The following CCDC146 variants were observed in gnomAD, a reference collection of about 807,000 sequenced individuals.
The protein encoded by CCDC146 is coiled-coil domain-containing protein 146.
CCDC146 carries 92 observed loss-of-function variants against 119.3 expected under a neutral mutation model. The ratio of observed to expected loss-of-function variants is 0.77; its 90% confidence interval spans 0.65 to 0.92. The LOEUF is 0.92. Among genes scored for constraint, CCDC146 ranks in the 40% least tolerant of loss-of-function variants. The probability of loss-of-function intolerance (pLI) is 0.00; values close to 1 mark genes in which losing one functional copy is unlikely to be tolerated. For synonymous variants in CCDC146, 372 were observed against 371.8 expected (o/e 1.00, Z -0.01); for missense variants, 1,000 against 1,103.0 (o/e 0.91, Z 1.32).
At chr7:77,157,770 C>T (rs1338024531) in intron 1 of CCDC146, among the ~76,000 whole-genome samples, 1 of 152,156 alleles carries the variant, frequency 6.6e-6, no homozygotes, top group East Asian at 1.9e-4. Flanking sequence ...CAGTGTGTGG[C>T]CACCCTGTTT....
At chr7:77,198,147 G>C in intron 2 of CCDC146, 1 of 985,428 alleles carries the variant, frequency 1.0e-6, no homozygotes, top group Non-Finnish European at 1.2e-6. Context: ...TGGATTCGCA[G>C]TGTGCCAGGT....
chr7:77,181,788 AT>A (rs372728975), intron 2 of CCDC146, among the ~76,000 whole-genome samples: 4 of 152,234 alleles, frequency 2.6e-5, no homozygotes, highest in Middle Eastern at 3.4e-3. Context: ...GTGGAAATTA[AT>A]TTTTTTATAT....
intron 2 of CCDC146, among the ~76,000 whole-genome samples, chr7:77,233,666 G>A (rs1165409080): frequency 1.3e-5 from 2 of 152,068 alleles, no homozygotes; most frequent in African/African-American, 2.4e-5. Context: ...CCTCACATGC[G>A]CATTTCACAA....
At chr7:77,271,949 G>T (rs972943232) in intron 9 of CCDC146, among the ~76,000 whole-genome samples, 6 of 152,088 alleles carry the variant, frequency 3.9e-5, no homozygotes, top group Non-Finnish European at 8.8e-5. Flanking sequence ...CCTGGGCCCT[G>T]TTATTCACGT....
chr7:77,221,684 T>A (rs1792406214), intron 2 of CCDC146, among the ~76,000 whole-genome samples: 1 of 152,164 alleles, frequency 6.6e-6, no homozygotes, highest in Non-Finnish European at 1.5e-5. Context: ...TCAGCGCACT[T>A]CCCATCTGAT....
At chr7:77,199,887 G>C (rs1010149271) in intron 2 of CCDC146, 8 of 1,427,776 alleles carry the variant, frequency 5.6e-6, no homozygotes, top group Non-Finnish European at 7.5e-6. Flanking sequence ...GTGTTCCCAG[G>C]AAAGGGTGGG....
chr7:77,182,724 G>C (rs1791608343), intron 2 of CCDC146, among the ~76,000 whole-genome samples: 1 of 152,188 alleles, frequency 6.6e-6, no homozygotes, highest in Non-Finnish European at 1.5e-5. Flanking sequence ...GAGCCTGGGA[G>C]ACAGAGGTTG....
chr7:77,157,435 T>G (rs1791194861), intron 1 of CCDC146, among the ~76,000 whole-genome samples: 1 of 150,782 alleles, frequency 6.6e-6, no homozygotes. Flanking sequence ...TTTTTACACA[T>G]GCTCCTTGTA....
At chr7:77,132,568 A>AGAAAG (rs111521687) in intron 1 of CCDC146, among the ~76,000 whole-genome samples, 2 of 142,822 alleles carry the variant, frequency 1.4e-5, no homozygotes, top group Non-Finnish European at 3.1e-5. Context: ...AAAAAAAAAA[A>AGAAAG]AAAGAAAGAA....
chr7:77,230,907 T>C (rs1792614587), intron 2 of CCDC146, among the ~76,000 whole-genome samples: 2 of 152,208 alleles, frequency 1.3e-5, no homozygotes, highest in African/African-American at 4.8e-5. Flanking sequence ...TCTCTGTTAT[T>C]CAAATTATAT....
chr7:77,203,075 G>A (rs1165484260), intron 2 of CCDC146, among the ~76,000 whole-genome samples: 1 of 140,220 alleles, frequency 7.1e-6, no homozygotes, highest in Admixed American at 7.9e-5. Flanking sequence ...ATCTTCTGCT[G>A]CAAATCAGTG....
chr7:77,220,046 T>G (rs1351813032), intron 2 of CCDC146, among the ~76,000 whole-genome samples: 2 of 152,178 alleles, frequency 1.3e-5, no homozygotes, highest in African/African-American at 4.8e-5. Flanking sequence ...AGCAGACAAC[T>G]GGTCTGACTA....
In CCDC146 at chr7:77,144,559, T is replaced by C. The variant is rs191579636; in HGVS notation, c.-12+21827T>C. Among the ~76,000 whole-genome samples, 23 of 151,982 alleles carry C rather than the reference T, an allele frequency of 1.5e-4. No individual in the cohort carries two copies. In the East Asian group the frequency reaches 4.4e-3, roughly 29 times the overall value. ...TATGATATTGGTTGTGGGTTTGTCA[T>C]AAATACCTCTTATTATTTTGAGATA... On this transcript the variant is annotated intron_variant, in intron 1 of 18. Coordinates refer to ENST00000285871, the MANE Select transcript of CCDC146 (RefSeq NM_020879.3).
intron 2 of CCDC146, among the ~76,000 whole-genome samples, chr7:77,210,491 T>C (rs1325025433): frequency 6.6e-6 from 1 of 152,216 alleles, no homozygotes; most frequent in Non-Finnish European, 1.5e-5. Flanking sequence ...ATTCAACAAG[T>C]CTATAGGAAG....
At chr7:77,146,228 G>A (rs1467111004) in intron 1 of CCDC146, among the ~76,000 whole-genome samples, 4 of 151,964 alleles carry the variant, frequency 2.6e-5, no homozygotes, top group African/African-American at 9.7e-5. Context: ...CAGAGACTAG[G>A]ATTGCAACCC....
At position 77,136,582 on chromosome 7, in the gene CCDC146, T is replaced by C. The variant is rs181159509; in HGVS notation, c.-12+13850T>C. ...ATGCCAAAATCCATATAAGAAGAAA[T>C]AGACTCTCTGAATAGGCCTATATCT... On this transcript the variant is annotated intron_variant, in intron 1 of 18. Coordinates refer to ENST00000285871, the MANE Select transcript of CCDC146 (RefSeq NM_020879.3). Among the ~76,000 whole-genome samples, 704 of 152,252 alleles carry C rather than the reference T, an allele frequency of 4.6e-3. 3 individuals carry two copies. The highest frequency in any genetic ancestry group is 0.016 in the African/African-American group (657 of 41,554).
At chr7:77,203,031 GCCCC>G (rs35529684) in intron 2 of CCDC146, among the ~76,000 whole-genome samples, 5 of 107,222 alleles carry the variant, frequency 4.7e-5, no homozygotes, top group Admixed American at 1.0e-4. Flanking sequence ...TAAAATACTT[GCCCC>G]CCCCCCCCCC....
chr7:77,254,802 C>T (rs924448712), intron 5 of CCDC146, among the ~76,000 whole-genome samples: 4 of 152,150 alleles, frequency 2.6e-5, no homozygotes, highest in Non-Finnish European at 5.9e-5. Flanking sequence ...TGGACAATAT[C>T]TGCTTTGTTT....
chr7:77,219,666 G>A (rs1258848223), intron 2 of CCDC146, among the ~76,000 whole-genome samples: 3 of 152,194 alleles, frequency 2.0e-5, no homozygotes, highest in Non-Finnish European at 2.9e-5. Flanking sequence ...GTATTTCAAT[G>A]TAGGTTCTTT....
Sources: allele counts gnomAD v4.1 joint callset (sites outside exome capture counted in the v4.1 genomes callset), GRCh38; gene constraint gnomAD v4.1.1; transcripts MANE v1.5; gene names NCBI Gene and HGNC (gene_info 2026-07-23, HGNC 2026-07-21).